CNTN3: variants seen among roughly 807,000 people sequenced by gnomAD.
The protein encoded by CNTN3 is contactin 3.
In CNTN3, 60 loss-of-function variants were observed where a neutral mutation model predicts 119.1. The observed-to-expected ratio is 0.50, with a 90% CI of 0.41 to 0.62. The LOEUF (loss-of-function observed/expected upper bound fraction) is 0.62, where lower values mean the gene tolerates loss of function less well. Among genes scored for constraint, CNTN3 ranks in the 20% least tolerant of loss-of-function variants. CNTN3 has a pLI of 0.00. For missense variants in CNTN3, 1,101 were observed against 1,242.4 expected, an observed-to-expected ratio of 0.89 and a Z score of 1.71; for synonymous variants, 450 against 438.7, an observed-to-expected ratio of 1.03 and a Z score of -0.32.
At chr3:74,322,759 T>C (rs145105228) in intron 13 of CNTN3, among the ~76,000 whole-genome samples, 564 of 152,250 alleles carry the variant, frequency 3.7e-3, no homozygotes, top group African/African-American at 0.013. Flanking sequence ...CTTTAGTAGA[T>C]GAGTGGATAA....
chr3:74,364,906 G>A lies in CNTN3; in HGVS notation c.1084-310C>T, dbSNP rs559768220. 5.3e-5 allele frequency among the ~76,000 whole-genome samples: 8 copies of A among 152,150 alleles called. No homozygotes were observed. The South Asian group carries it at 8.3e-4, about 16-fold the overall frequency. ...AGTTAAAGTTTCTTAAAAAGGTACC[G>A]TGACTTTAAAACATGTTTTATGAGG... is the stretch of plus-strand genomic sequence containing the variant. On this transcript the variant is annotated intron_variant, in intron 9 of 22. Coordinates refer to ENST00000263665, the MANE Select transcript of CNTN3 (RefSeq NM_020872.3).
intron 1 of CNTN3, among the ~76,000 whole-genome samples, chr3:74,524,004 G>C (rs965046499): frequency 6.6e-6 from 1 of 151,700 alleles, no homozygotes; most frequent in Admixed American, 6.6e-5. Flanking sequence ...TCTTTGCACC[G>C]GACATCAAGT....
intron 11 of CNTN3, among the ~76,000 whole-genome samples, chr3:74,337,400 T>C (rs777082378): frequency 1.3e-5 from 2 of 152,096 alleles, no homozygotes; most frequent in Admixed American, 1.3e-4. Flanking sequence ...GTGAGTAGCA[T>C]AGACAACGTA....
chr3:74,550,127 A>G (rs979767615), intron 1 of CNTN3, among the ~76,000 whole-genome samples: 7 of 152,218 alleles, frequency 4.6e-5, no homozygotes, highest in Non-Finnish European at 7.3e-5. Flanking sequence ...GCTGGGTCAG[A>G]CCATCTAGCT....
intron 4 of CNTN3, among the ~76,000 whole-genome samples, chr3:74,479,415 A>T (rs1277285927): frequency 6.6e-6 from 1 of 152,150 alleles, no homozygotes; most frequent in Non-Finnish European, 1.5e-5. Context: ...AGATACCACA[A>T]ATCAGAATGT....
At chr3:74,321,033 C>A (rs1702975450) in intron 13 of CNTN3, among the ~76,000 whole-genome samples, 1 of 151,186 alleles carries the variant, frequency 6.6e-6, no homozygotes, top group Admixed American at 6.6e-5. Flanking sequence ...CTAACAGCAA[C>A]AGAAAACCAA....
chr3:74,539,542 C>T (rs915032229), intron 1 of CNTN3, among the ~76,000 whole-genome samples: 2 of 152,010 alleles, frequency 1.3e-5, no homozygotes, highest in African/African-American at 4.8e-5. Flanking sequence ...CCTGAAATAG[C>T]CACGTGACTC....
intron 5 of CNTN3, among the ~76,000 whole-genome samples, chr3:74,400,011 G>A (rs141473688): frequency 6.6e-6 from 1 of 152,240 alleles, no homozygotes; most frequent in East Asian, 1.9e-4. Context: ...AATGCTTGGT[G>A]AATTCAATGA....
chr3:74,492,062 G>A (rs983957060), intron 3 of CNTN3, among the ~76,000 whole-genome samples: 5 of 152,084 alleles, frequency 3.3e-5, no homozygotes, highest in Non-Finnish European at 7.4e-5. Context: ...AATGTCACAA[G>A]ATTAAACACT....
chr3:74,324,876 G>T (rs1349960116), intron 13 of CNTN3, among the ~76,000 whole-genome samples: 1 of 152,222 alleles, frequency 6.6e-6, no homozygotes, highest in Non-Finnish European at 1.5e-5. Flanking sequence ...GGTGGAGCCT[G>T]TACTGTGAGA....
chr3:74,395,350 G>T (rs1028906724), intron 5 of CNTN3, among the ~76,000 whole-genome samples: 2 of 148,962 alleles, frequency 1.3e-5, no homozygotes, highest in Non-Finnish European at 3.0e-5. Flanking sequence ...CATCCACACT[G>T]CCTGTTATAT....
intron 1 of CNTN3, among the ~76,000 whole-genome samples, chr3:74,556,969 C>T (rs1704078516): frequency 6.6e-6 from 1 of 152,150 alleles, no homozygotes; most frequent in South Asian, 2.1e-4. Context: ...AATCCTTTGT[C>T]CAGTTTTCAA....
intron 10 of CNTN3, 118 bp downstream of exon 10, chr3:74,364,349 T>C: frequency 1.1e-6 from 1 of 926,820 alleles, no homozygotes; most frequent in Non-Finnish European, 1.6e-6. Context: ...CGTGTTGTAA[T>C]ACTGTAGATA....
intron 1 of CNTN3, among the ~76,000 whole-genome samples, chr3:74,528,305 T>TTATAA (rs888034290): frequency 3.5e-4 from 53 of 151,816 alleles, no homozygotes; most frequent in African/African-American, 1.2e-3. Flanking sequence ...AAAAATAGCT[T>TTATAA]TATAATATAA....
intron 3 of CNTN3, among the ~76,000 whole-genome samples, chr3:74,494,294 C>T (rs1318483399): frequency 6.6e-6 from 1 of 152,030 alleles, no homozygotes; most frequent in Non-Finnish European, 1.5e-5. Context: ...ACTGAAAAAA[C>T]ACAAGAAAGA....
chr3:74,469,753 A>T (rs1027399671), intron 4 of CNTN3, among the ~76,000 whole-genome samples: 1 of 152,182 alleles, frequency 6.6e-6, no homozygotes, highest in Non-Finnish European at 1.5e-5. Flanking sequence ...GCTGGTAGGA[A>T]TGTAAATCGG....
At chr3:74,401,533 G>C (rs1705194565) in intron 5 of CNTN3, among the ~76,000 whole-genome samples, 1 of 150,952 alleles carries the variant, frequency 6.6e-6, no homozygotes, top group African/African-American at 2.5e-5. Flanking sequence ...CACACACACA[G>C]AGTTGTCTGA....
rs1223630365 is a variant in CNTN3, at chr3:74,301,691, T to C, written c.1901A>G (p.Gln634Arg). The C allele has an allele frequency of 1.2e-6, 2 of 1,614,148 alleles. No homozygotes were observed. The highest frequency in any genetic ancestry group is 1.7e-6 in the Non-Finnish European group (2 of 1,179,992). Residue 634 changes from glutamine to arginine, a missense_variant, in exon 15 of 23, where the codon CAG becomes CGG. Coordinates refer to ENST00000263665, the MANE Select transcript of CNTN3 (RefSeq NM_020872.3). ...NHSPVISYSI[Q>R]ARTPFSVGWQ... Reference sequence around the variant, plus strand: ...ACCCACGGAGAAAGGTGTCCGAGCCTGGATAGAATAGGATATAACTGGGCT... The same window carrying C: ...ACCCACGGAGAAAGGTGTCCGAGCCCGGATAGAATAGGATATAACTGGGCT...
chr3:74,564,534 G>A (rs1466108277), intron 1 of CNTN3, among the ~76,000 whole-genome samples: 20 of 151,052 alleles, frequency 1.3e-4, no homozygotes. Context: ...TTACAGAGCT[G>A]TTTCAATAAG....
Sources: allele counts gnomAD v4.1 joint callset (sites outside exome capture counted in the v4.1 genomes callset), GRCh38; gene constraint gnomAD v4.1.1; transcripts MANE v1.5; gene names NCBI Gene and HGNC (gene_info 2026-07-23, HGNC 2026-07-21).